CFAP77: variants seen among roughly 807,000 people sequenced by gnomAD.
CFAP77 encodes the protein cilia- and flagella-associated protein 77.
In CFAP77, 25 loss-of-function variants were observed where a neutral mutation model predicts 31.1. The observed-to-expected ratio is 0.80, with a 90% CI of 0.59 to 1.12. CFAP77 has a LOEUF of 1.12. CFAP77 is among the 50% of genes most tolerant of loss of function. The probability of loss-of-function intolerance (pLI) is 0.00; values close to 1 mark genes in which losing one functional copy is unlikely to be tolerated. For synonymous variants in CFAP77, 151 were observed against 159.9 expected (o/e 0.94, Z 0.42); for missense variants, 377 against 397.3 (o/e 0.95, Z 0.44).
chr9:132,551,042 G>GGGAAA (rs1852812922), intron 5 of CFAP77, among the ~76,000 whole-genome samples: 2 of 152,058 alleles, frequency 1.3e-5, no homozygotes, highest in South Asian at 4.1e-4. Flanking sequence ...ACAATGGGGA[G>GGGAAA]GTTTTATGAA....
At chr9:132,410,685 C>T (rs1849975727) in intron 1 of CFAP77, among the ~76,000 whole-genome samples, 1 of 152,234 alleles carries the variant, frequency 6.6e-6, no homozygotes. Flanking sequence ...ATAATGGCAC[C>T]ACTAAAGGGA....
chr9:132,477,038 G>C (rs1217944983), intron 1 of CFAP77, among the ~76,000 whole-genome samples: 4 of 152,162 alleles, frequency 2.6e-5, no homozygotes, highest in Admixed American at 6.5e-5. Flanking sequence ...TGGTCTTGGG[G>C]CTGCCGGAGC....
rs572527914 is a variant in CFAP77, at chr9:132,428,547, G to A, written c.195+18081G>A. On this transcript the variant is annotated intron_variant, in intron 1 of 5. Transcript: ENST00000393216. The stretch of plus-strand genomic sequence containing the variant: ...GGAGAATCACTTGAACCCGGGAGGC[G>A]GAGGTTGTAGTGAGCCAAGATTGCA... Among the ~76,000 whole-genome samples, 104 of 152,222 alleles carry A rather than the reference G, an allele frequency of 6.8e-4. 1 individual carries two copies. The highest frequency in any genetic ancestry group is 2.3e-3 in the African/African-American group (96 of 41,554).
chr9:132,452,824 C>G (rs146271864), intron 1 of CFAP77, among the ~76,000 whole-genome samples: 5 of 152,284 alleles, frequency 3.3e-5, no homozygotes, highest in Admixed American at 2.6e-4. Context: ...ACTGACTCTG[C>G]AAGGAACATT....
chr9:132,496,904 T>C (rs904390624), intron 1 of CFAP77, among the ~76,000 whole-genome samples: 7 of 152,130 alleles, frequency 4.6e-5, no homozygotes, highest in African/African-American at 1.7e-4. Context: ...TGTGCATTCA[T>C]GGAAACCATG....
intron 3 of CFAP77, among the ~76,000 whole-genome samples, chr9:132,526,524 G>A (rs185027327): frequency 9.7e-5 from 14 of 144,708 alleles, no homozygotes; most frequent in Admixed American, 7.7e-4. Context: ...GAGCCACAGC[G>A]CCCGACCGGC....
At chr9:132,537,749 G>A (rs780657664) in intron 4 of CFAP77, 43 bp downstream of exon 4, 11 of 1,458,946 alleles carry the variant, frequency 7.5e-6, no homozygotes, top group South Asian at 4.6e-5. Flanking sequence ...TGATGGGGTG[G>A]AGAAGAGAGA....
At chr9:132,502,330 A>G (rs949921698) in intron 3 of CFAP77, among the ~76,000 whole-genome samples, 1 of 131,316 alleles carries the variant, frequency 7.6e-6, no homozygotes, top group African/African-American at 2.9e-5. Flanking sequence ...CTAATTTTTT[A>G]TTGTGGTAAA....
intron 1 of CFAP77, among the ~76,000 whole-genome samples, chr9:132,447,457 G>T (rs1465097317): frequency 6.6e-6 from 1 of 152,206 alleles, no homozygotes; most frequent in Admixed American, 6.5e-5. Flanking sequence ...GTGTAAGGTG[G>T]CCTGCCCTGA....
At chr9:132,450,469 G>A (rs1250585088) in intron 1 of CFAP77, among the ~76,000 whole-genome samples, 1 of 152,108 alleles carries the variant, frequency 6.6e-6, no homozygotes, top group Non-Finnish European at 1.5e-5. Flanking sequence ...TAAAAACAAT[G>A]ACTGCAAACA....
At chr9:132,461,858 G>A (rs75709298) in intron 1 of CFAP77, among the ~76,000 whole-genome samples, 4,360 of 152,252 alleles carry the variant, frequency 0.029, 211 homozygotes, top group African/African-American at 0.099. Context: ...ATTTCCCCCC[G>A]TTTCTGCTCT....
intron 1 of CFAP77, among the ~76,000 whole-genome samples, chr9:132,450,019 G>T (rs1850798006): frequency 6.6e-6 from 1 of 152,006 alleles, no homozygotes; most frequent in Non-Finnish European, 1.5e-5. Flanking sequence ...TTCACGCCAT[G>T]CTCCTGCCTC....
At chr9:132,570,442 A>AGGCTGG (rs934039812) in intron 5 of CFAP77, among the ~76,000 whole-genome samples, 2 of 152,204 alleles carry the variant, frequency 1.3e-5, no homozygotes, top group African/African-American at 4.8e-5. Flanking sequence ...CTGAAACCCG[A>AGGCTGG]GGCTGGGGCT....
intron 5 of CFAP77, among the ~76,000 whole-genome samples, chr9:132,561,731 G>A (rs1052796174): frequency 1.3e-5 from 2 of 151,360 alleles, no homozygotes; most frequent in Non-Finnish European, 2.9e-5. Context: ...AAAGGCTCAA[G>A]ACAAAACACA....
chr9:132,446,561 A>G (rs1251923545), intron 1 of CFAP77, among the ~76,000 whole-genome samples: 1 of 152,008 alleles, frequency 6.6e-6, no homozygotes, highest in East Asian at 1.9e-4. Flanking sequence ...TAACATGGTG[A>G]AACCCCGTCT....
chr9:132,513,018 T>G (rs1429126302), intron 3 of CFAP77, among the ~76,000 whole-genome samples: 6 of 152,168 alleles, frequency 3.9e-5, no homozygotes, highest in Admixed American at 6.5e-5. Context: ...TTTTTTTAAT[T>G]TAAAAAAAAT....
At chr9:132,509,054 G>A (rs369043934) in intron 3 of CFAP77, among the ~76,000 whole-genome samples, 33 of 152,336 alleles carry the variant, frequency 2.2e-4, no homozygotes, top group Middle Eastern at 3.4e-3. Flanking sequence ...GCGAGATGGC[G>A]GCTACGAACA....
At chr9:132,421,094 A>G (rs1179130389) in intron 1 of CFAP77, among the ~76,000 whole-genome samples, 1 of 134,892 alleles carries the variant, frequency 7.4e-6, no homozygotes. Context: ...TGCAACCTCC[A>G]TCTCCTGGGT....
chr9:132,433,522 TCTC>T (rs1455013281), intron 1 of CFAP77, among the ~76,000 whole-genome samples: 2 of 150,332 alleles, frequency 1.3e-5, no homozygotes, highest in Non-Finnish European at 3.0e-5. Context: ...TCCCCACACT[TCTC>T]CTCTCCTCAC....
Sources: gnomAD v4.1 joint callset for allele counts (sites outside exome capture counted in the v4.1 genomes callset) on GRCh38, gnomAD v4.1.1 for gene constraint, MANE v1.5 for transcripts, NCBI Gene and HGNC (gene_info 2026-07-23, HGNC 2026-07-21) for gene names.